The following COMMD10 variants were observed in gnomAD, a reference collection of about 807,000 sequenced individuals.
COMMD10 encodes the protein COMM domain containing 10, also known as COMM domain-containing protein 10.
Under a neutral mutation model 28.9 loss-of-function variants are expected in COMMD10, and 33 were observed. The ratio of observed to expected loss-of-function variants is 1.14; its 90% CI spans 0.87 to 1.53. The LOEUF (loss-of-function observed/expected upper bound fraction) is 1.53, where lower values mean the gene tolerates loss of function less well. Ranked by LOEUF, COMMD10 falls within the 40% of genes most tolerant of loss-of-function variation. The probability of loss-of-function intolerance (pLI) is 0.00; values close to 1 mark genes in which losing one functional copy is unlikely to be tolerated. For synonymous variants in COMMD10, 110 were observed against 81.7 expected (o/e 1.35, Z -1.87); for missense variants, 310 against 233.4 (o/e 1.33, Z -2.14).
rs147147993 is a variant in COMMD10 at position 116,085,506 on chromosome 5, T to G, written c.41+413T>G. On this transcript the variant is annotated intron_variant, in intron 1 of 6. Coordinates refer to ENST00000274458, the MANE Select transcript of COMMD10 (RefSeq NM_016144.4). The stretch of plus-strand genomic sequence containing the variant: ...TGGTGGGAAAGGCTCACGCTGCTGC[T>G]GGAGGGTCTTTAATAGCCAACATGT... 1.5e-3 allele frequency: 305 copies of G among 203,404 alleles called. 2 individuals carry two copies. Among genetic ancestry groups the G allele is most frequent in the African/African-American group, 6.6e-3 (287 of 43,294 alleles). 12.6% of individuals were successfully genotyped at this position (203,404 alleles called of 1,614,324 possible). A position where few individuals can be genotyped will look rare whatever the true frequency, so the allele number is the denominator to read the frequency against.
intron 5 of COMMD10, among the ~76,000 whole-genome samples, chr5:116,229,612 T>C (rs2112652805): frequency 6.6e-6 from 1 of 152,130 alleles, no homozygotes; most frequent in East Asian, 1.9e-4. Context: ...GATTTTGCAC[T>C]AAAGTAGTTT....
chr5:116,093,460 G>T (rs1352541997), intron 4 of COMMD10, among the ~76,000 whole-genome samples: 1 of 152,162 alleles, frequency 6.6e-6, no homozygotes, highest in African/African-American at 2.4e-5. Context: ...ATCCCTAGCT[G>T]TCCACATTCT....
chr5:116,275,045 C>G (rs376186988), intron 5 of COMMD10, among the ~76,000 whole-genome samples: 1 of 151,790 alleles, frequency 6.6e-6, no homozygotes, highest in Non-Finnish European at 1.5e-5. Context: ...ACCTCTATTT[C>G]ATCCCCAAGA....
At chr5:116,285,528 C>G (rs1426118534) in intron 5 of COMMD10, among the ~76,000 whole-genome samples, 1 of 151,864 alleles carries the variant, frequency 6.6e-6, no homozygotes, top group Non-Finnish European at 1.5e-5. Flanking sequence ...ATGGTCTTCT[C>G]TAAGTCATTA....
At chr5:116,173,098 A>G (rs1753390508) in intron 5 of COMMD10, among the ~76,000 whole-genome samples, 1 of 152,114 alleles carries the variant, frequency 6.6e-6, no homozygotes. Flanking sequence ...GAAAATGTTT[A>G]GGTAGTAAAT....
intron 5 of COMMD10, among the ~76,000 whole-genome samples, chr5:116,253,780 C>T (rs201196747): frequency 0.35 from 49,092 of 141,744 alleles, 10,233 homozygotes; most frequent in African/African-American, 0.63. Context: ...TGTCTTTGCC[C>T]GGCTTTGGTA....
At chr5:116,291,845 C>A (rs1038994617) in intron 6 of COMMD10, among the ~76,000 whole-genome samples, 5 of 151,980 alleles carry the variant, frequency 3.3e-5, no homozygotes, top group African/African-American at 1.2e-4. Flanking sequence ...CTTTGTGATT[C>A]CTAGCCACAC....
At chr5:116,147,790 A>C (rs2112546736) in intron 5 of COMMD10, among the ~76,000 whole-genome samples, 1 of 151,998 alleles carries the variant, frequency 6.6e-6, no homozygotes, top group East Asian at 1.9e-4. Flanking sequence ...ATTGAGGAAA[A>C]ATAAAAAAAT....
intron 5 of COMMD10, among the ~76,000 whole-genome samples, chr5:116,181,287 T>C (rs1747950163): frequency 6.6e-6 from 1 of 151,922 alleles, no homozygotes; most frequent in African/African-American, 2.4e-5. Flanking sequence ...GTTGATAATA[T>C]GTGAATTCTA....
chr5:116,149,338 T>C (rs7727340), intron 5 of COMMD10, among the ~76,000 whole-genome samples: 122,202 of 137,018 alleles, frequency 0.89, 54,689 homozygotes, highest in African/African-American at 0.93. Context: ...GTCTTTATAG[T>C]AGCATGATTT....
chr5:116,220,427 A>T (rs1749220478), intron 5 of COMMD10, among the ~76,000 whole-genome samples: 2 of 149,432 alleles, frequency 1.3e-5, no homozygotes, highest in Non-Finnish European at 3.0e-5. Flanking sequence ...CTTTCATTCC[A>T]TTTTTTTTTT....
intron 5 of COMMD10, among the ~76,000 whole-genome samples, chr5:116,263,511 C>G (rs1392319283): frequency 1.3e-5 from 2 of 151,736 alleles, no homozygotes; most frequent in Non-Finnish European, 2.9e-5. Context: ...TCCTTTCTTT[C>G]CAGATCCAGG....
chr5:116,164,543 T>C (rs1259096279), intron 5 of COMMD10, among the ~76,000 whole-genome samples: 2 of 152,184 alleles, frequency 1.3e-5, no homozygotes, highest in African/African-American at 4.8e-5. Flanking sequence ...GAAATAAAAA[T>C]GTTAAGCAAG....
At chr5:116,231,679 G>A (rs58404617) in intron 5 of COMMD10, among the ~76,000 whole-genome samples, 17,007 of 151,998 alleles carry the variant, frequency 0.11, 1,368 homozygotes, top group African/African-American at 0.22. Flanking sequence ...AACTATTTTA[G>A]TATGATAGCT....
At chr5:116,284,710 A>AAGATC (rs1476220579) in intron 5 of COMMD10, among the ~76,000 whole-genome samples, 1 of 151,890 alleles carries the variant, frequency 6.6e-6, no homozygotes, top group Non-Finnish European at 1.5e-5. Context: ...TGCTACTGAT[A>AAGATC]ACTAAGATGA....
At chr5:116,162,719 C>G (rs1239414808) in intron 5 of COMMD10, among the ~76,000 whole-genome samples, 3 of 152,136 alleles carry the variant, frequency 2.0e-5, no homozygotes, top group African/African-American at 7.2e-5. Context: ...AGTTTGTATA[C>G]TGTTTGGTCA....
At chr5:116,226,759 C>A (rs1320805142) in intron 5 of COMMD10, among the ~76,000 whole-genome samples, 1 of 152,040 alleles carries the variant, frequency 6.6e-6, no homozygotes, top group Non-Finnish European at 1.5e-5. Flanking sequence ...TGTTCCATAA[C>A]CCTCACAGGT....
chr5:116,162,243 A>C (rs1263321259), intron 5 of COMMD10, among the ~76,000 whole-genome samples: 1 of 152,204 alleles, frequency 6.6e-6, no homozygotes, highest in Non-Finnish European at 1.5e-5. Context: ...GAAGTTGCAT[A>C]ATAGCTACCC....
intron 4 of COMMD10, among the ~76,000 whole-genome samples, chr5:116,102,118 T>C (rs1580445403): frequency 6.6e-6 from 1 of 152,340 alleles, no homozygotes; most frequent in East Asian, 1.9e-4. Context: ...AAGATCTTAG[T>C]CATGAATTCT....
Sources: allele counts gnomAD v4.1 joint callset (sites outside exome capture counted in the v4.1 genomes callset), GRCh38; gene constraint gnomAD v4.1.1; transcripts MANE v1.5; gene names NCBI Gene and HGNC (gene_info 2026-07-23, HGNC 2026-07-21).